AGXT2: variants seen among roughly 807,000 people sequenced by gnomAD.
The protein encoded by AGXT2 is alanine--glyoxylate aminotransferase 2, also known as alanine--glyoxylate aminotransferase 2, mitochondrial.
Under a neutral mutation model 62.5 loss-of-function variants are expected in AGXT2, and 61 were observed. The ratio of observed to expected loss-of-function variants is 0.98; its 90% CI spans 0.79 to 1.21. The LOEUF (loss-of-function observed/expected upper bound fraction) is 1.21, where lower values mean the gene tolerates loss of function less well. Among genes scored for constraint, AGXT2 ranks in the 50% most tolerant of loss-of-function variants. AGXT2 has a pLI of 0.00. For synonymous variants in AGXT2, 243 were observed against 218.7 expected, an observed-to-expected ratio of 1.11 and a Z score of -0.98; for missense variants, 666 against 641.5, an observed-to-expected ratio of 1.04 and a Z score of -0.41.
chr5:35,006,691 G>C (rs1402759406), intron 12 of AGXT2, among the ~76,000 whole-genome samples: 2 of 152,214 alleles, frequency 1.3e-5, no homozygotes, highest in Non-Finnish European at 2.9e-5. Flanking sequence ...CATGTCACCA[G>C]GTCAAAATGT....
chr5:34,998,711 T>G lies in AGXT2; in HGVS notation c.*8A>C. On this transcript the variant is annotated 3_prime_UTR_variant, in exon 14 of 14. Coordinates refer to ENST00000231420, the MANE Select transcript of AGXT2 (RefSeq NM_031900.4). ...TGAGACTTGTGGTTTTATTTATTTC[T>G]GACAATGTTACTTAGCTCTTCTTTC... 6.2e-7 allele frequency: 1 copy of G among 1,604,608 alleles called. No homozygotes were observed. Among genetic ancestry groups the G allele is most frequent in the Non-Finnish European group, 8.5e-7 (1 of 1,171,682 alleles).
chr5:35,043,565 T>G (rs1230398303), intron 1 of AGXT2, among the ~76,000 whole-genome samples: 3 of 152,136 alleles, frequency 2.0e-5, no homozygotes, highest in Non-Finnish European at 4.4e-5. Context: ...CAGGATCTCC[T>G]TCTGTCACCC....
chr5:35,020,489 T>C (rs1032705255), intron 9 of AGXT2, among the ~76,000 whole-genome samples: 1 of 152,122 alleles, frequency 6.6e-6, no homozygotes, highest in Non-Finnish European at 1.5e-5. Flanking sequence ...ATTATCTCAA[T>C]AGATGCAGAA....
intron 10 of AGXT2, 136 bp downstream of exon 10, chr5:35,013,851 C>T: frequency 7.6e-7 from 1 of 1,308,536 alleles, no homozygotes; most frequent in Admixed American, 1.7e-5. Flanking sequence ...GACTGTTTCT[C>T]TCTTTCATTT....
chr5:35,037,168 T>A (rs986751604), intron 3 of AGXT2, 103 bp from the exon 4 acceptor site: 12 of 1,541,358 alleles, frequency 7.8e-6, no homozygotes, highest in Non-Finnish European at 1.1e-5. Context: ...TCAAAGAGTT[T>A]CAAGAGGCAG....
At chr5:35,032,287 G>A (rs1767593442) in intron 7 of AGXT2, among the ~76,000 whole-genome samples, 1 of 151,890 alleles carries the variant, frequency 6.6e-6, no homozygotes, top group Non-Finnish European at 1.5e-5. Context: ...GAGTGCAGTG[G>A]CATAATCATG....
intron 12 of AGXT2, among the ~76,000 whole-genome samples, chr5:35,005,674 A>T (rs1766393231): frequency 3.0e-5 from 1 of 32,870 alleles, no homozygotes; most frequent in African/African-American, 1.3e-4. Flanking sequence ...ATCCTCAGGG[A>T]AAAAAAGCAG....
chr5:35,021,603 C>CT (rs1328432505), intron 9 of AGXT2, among the ~76,000 whole-genome samples: 2 of 151,564 alleles, frequency 1.3e-5, no homozygotes, highest in African/African-American at 4.9e-5. Flanking sequence ...AACGTTAGAC[C>CT]TAAAACCATA....
intron 9 of AGXT2, among the ~76,000 whole-genome samples, chr5:35,023,175 AAG>A (rs200658472): frequency 0.14 from 14,687 of 103,306 alleles, 1,086 homozygotes; most frequent in South Asian, 0.25. Context: ...TAAAAAAAAA[AAG>A]AAAAAAGAAA....
intron 9 of AGXT2, among the ~76,000 whole-genome samples, chr5:35,019,461 C>T (rs896136769): frequency 6.6e-6 from 1 of 151,414 alleles, no homozygotes; most frequent in East Asian, 1.9e-4. Flanking sequence ...GAACAACCTG[C>T]TCCTGAATGA....
intron 7 of AGXT2, chr5:35,027,198 T>C (rs1201767318): frequency 6.1e-6 from 1 of 162,814 alleles, no homozygotes; most frequent in Non-Finnish European, 1.3e-5. Flanking sequence ...TAGGTGGTGC[T>C]CAGTAAATGT....
At position 35,003,840 on chromosome 5, in the gene AGXT2, G is replaced by A. The variant is rs1766325362; in HGVS notation, c.1360C>T (p.Arg454Cys). 6.2e-7 allele frequency: 1 copy of A among 1,613,956 alleles called. No individual in the cohort carries two copies. The highest frequency in any genetic ancestry group is 8.5e-7 in the Non-Finnish European group (1 of 1,179,984). ...TCATGGATCTGATTTACTTCTTCACGGGGAAGAGGCCGACAGCTTATCTGT... is the reference window on the plus strand; with the variant it reads ...TCATGGATCTGATTTACTTCTTCACAGGGAAGAGGCCGACAGCTTATCTGT... ...QDKISCRPLPREEVNQIHEDC... is the reference protein window; with the variant it reads ...QDKISCRPLPCEEVNQIHEDC... The change falls in exon 13 of 14, where the codon CGT (arginine) becomes TGT (cysteine). Residue 454 changes from arginine to cysteine, a missense_variant. Transcript: ENST00000231420.
chr5:35,011,915 TACACAC>T (rs57016954), intron 11 of AGXT2, among the ~76,000 whole-genome samples: 10,520 of 140,710 alleles, frequency 0.075, 710 homozygotes, highest in African/African-American at 0.18. Flanking sequence ...ATGTGGTGTA[TACACAC>T]ACACACACAC....
Position 35,026,462 on chromosome 5 carries a change from A to G in AGXT2, c.818T>C (p.Leu273Pro). The G allele has an allele frequency of 6.2e-7, 1 of 1,614,190 alleles. No individual in the cohort carries two copies. The highest frequency in any genetic ancestry group is 8.5e-7 in the Non-Finnish European group (1 of 1,180,014). The part of the protein sequence containing the change: ...DQYIEQFKDT[L>P]STSVAKSIAG... ...AATTGACTTGGCCACAGATGTGCTC[A>G]GCGTATCTTTGAATTGCTCAATATA... is the stretch of plus-strand genomic sequence containing the variant. The change falls in exon 8 of 14, where the codon CTG (leucine) becomes CCG (proline). Residue 273 changes from leucine (L) to proline (P), a missense_variant. Leu to Pro is a moderately conservative substitution (Grantham distance 98). Transcript: ENST00000231420.
At chr5:35,028,570 A>C (rs1767445880) in intron 7 of AGXT2, among the ~76,000 whole-genome samples, 1 of 34,904 alleles carries the variant, frequency 2.9e-5, no homozygotes, top group Admixed American at 3.5e-4. Context: ...AGAGAGAGAG[A>C]GAGAGAGAGA....
At chr5:35,038,938 T>C (rs1055418324) in intron 3 of AGXT2, among the ~76,000 whole-genome samples, 1 of 152,162 alleles carries the variant, frequency 6.6e-6, no homozygotes, top group Admixed American at 6.5e-5. Context: ...AGGCTAGAAG[T>C]TATTTCTCAT....
Position 35,010,128 on chromosome 5 carries a change from G to T in AGXT2, c.1210C>A (p.Gln404Lys), listed in dbSNP as rs200532818. 6.2e-7 allele frequency: 1 copy of T among 1,614,176 alleles called. No homozygotes were observed. Among genetic ancestry groups the T allele is most frequent in the Non-Finnish European group, 8.5e-7 (1 of 1,180,028 alleles). ...VLEVIKEENL[Q>K]ENSQEVGTYM... ...GTCCCAACTTCTTGACTGTTTTCCT[G>T]TAGATTTTCTTCTTTAATCACCTGT... The change falls in exon 12 of 14, where the codon CAG becomes AAG. Residue 404 changes from glutamine to lysine, a missense_variant. Coordinates refer to ENST00000231420, the MANE Select transcript of AGXT2 (RefSeq NM_031900.4).
intron 9 of AGXT2, among the ~76,000 whole-genome samples, chr5:35,019,969 C>T (rs1767003914): frequency 1.3e-5 from 2 of 152,292 alleles, no homozygotes; most frequent in South Asian, 4.1e-4. Context: ...ACTAGAAAAT[C>T]TAGAAGAAAT....
At chr5:35,023,555 G>C (rs1767202836) in intron 9 of AGXT2, among the ~76,000 whole-genome samples, 1 of 152,202 alleles carries the variant, frequency 6.6e-6, no homozygotes, top group African/African-American at 2.4e-5. Flanking sequence ...TAGTCTGACT[G>C]TGACAGCTTC....
Sources: gnomAD v4.1 joint callset for allele counts (sites outside exome capture counted in the v4.1 genomes callset) on GRCh38, gnomAD v4.1.1 for gene constraint, MANE v1.5 for transcripts, NCBI Gene and HGNC (gene_info 2026-07-23, HGNC 2026-07-21) for gene names.